The following SYNE1 variants were observed in gnomAD, a reference collection of about 807,000 sequenced individuals.
SYNE1 encodes spectrin repeat containing nuclear envelope protein 1, also known as nesprin-1.
SYNE1 carries 616 observed loss-of-function variants against 1,111.0 expected under a neutral mutation model. The observed-to-expected ratio is 0.55, with a 90% CI of 0.52 to 0.59. The LOEUF (loss-of-function observed/expected upper bound fraction) is 0.59. Among genes scored for constraint, SYNE1 ranks in the 20% least tolerant of loss-of-function variants. The pLI is 0.00. For missense variants in SYNE1, 10,006 were observed against 10,417.0 expected (o/e 0.96, Z 1.72); for synonymous variants, 3,855 against 3,825.8 (o/e 1.01, Z -0.28).
intron 145 of SYNE1, among the ~76,000 whole-genome samples, chr6:152,130,135 A>C (rs567306082): frequency 1.3e-5 from 2 of 152,254 alleles, no homozygotes; most frequent in African/African-American, 4.8e-5. Context: ...AGTGCCCGGA[A>C]AGTGAGTGGC....
rs148017127 is a variant in SYNE1, at chr6:152,241,687, A to G, written c.19893+553T>C. Among the ~76,000 whole-genome samples the G allele has an allele frequency of 4.1e-4, 62 of 152,280 alleles. 1 individual carries two copies. The East Asian group carries it at 0.011, about 27-fold the overall frequency. On this transcript the variant is annotated intron_variant, in intron 107 of 145. Transcript: ENST00000367255. ...TGAAGTCTACAGCAACTAGAGGAGC[A>G]TATGTGTAAGGGTCAGAGGATCTAA...
chr6:152,441,404 T>C (rs1564041733), intron 31 of SYNE1, 134 bp from the exon 32 acceptor site: 3 of 921,458 alleles, frequency 3.3e-6, no homozygotes, highest in Non-Finnish European at 4.9e-6. Flanking sequence ...TGAATAGAGA[T>C]GATTCTAGTA....
At chr6:152,328,242 C>G (rs1453117581) in intron 78 of SYNE1, among the ~76,000 whole-genome samples, 1 of 152,122 alleles carries the variant, frequency 6.6e-6, no homozygotes, top group Non-Finnish European at 1.5e-5. Context: ...CTGTATTATC[C>G]TGACGAAAGC....
intron 91 of SYNE1, among the ~76,000 whole-genome samples, chr6:152,304,877 T>G (rs9479288): frequency 0.056 from 8,504 of 152,274 alleles, 272 homozygotes; most frequent in East Asian, 0.12. Context: ...CAGTCTGCAC[T>G]TCATAATTAG....
chr6:152,613,311 C>T (rs889883705), intron 3 of SYNE1, among the ~76,000 whole-genome samples: 1 of 152,180 alleles, frequency 6.6e-6, no homozygotes, highest in African/African-American at 2.4e-5. Flanking sequence ...CTCAGGATTA[C>T]AAAATCAATG....
chr6:152,521,270 G>A (rs2099137807), intron 5 of SYNE1, among the ~76,000 whole-genome samples: 1 of 152,082 alleles, frequency 6.6e-6, no homozygotes, highest in Non-Finnish European at 1.5e-5. Context: ...CTTCTGATAT[G>A]AATGTGCTAT....
At position 152,293,710 on chromosome 6, in the gene SYNE1, G is replaced by A. The variant is rs748231030; in HGVS notation, c.17890C>T (p.Arg5964Cys). ...KQRTLYEALERQQKYQDSLQS... is the reference protein window; with the variant it reads ...KQRTLYEALECQQKYQDSLQS... ...AGGGAGTCCTGGTACTTCTGCTGGCGTTCCAAAGCTTCATAGAGTGTGCGC... is the reference window on the plus strand; with the variant it reads ...AGGGAGTCCTGGTACTTCTGCTGGCATTCCAAAGCTTCATAGAGTGTGCGC... The change falls in exon 95 of 146, where the codon CGC (arginine) becomes TGC (cysteine). Residue 5964 changes from arginine to cysteine, a missense_variant. Arg to Cys is a radical substitution (Grantham distance 180). Transcript: ENST00000367255. 43 of 1,614,046 alleles carry A rather than the reference G, an allele frequency of 2.7e-5. No individual in the cohort carries two copies. Among genetic ancestry groups the A allele is most frequent in the Non-Finnish European group, 3.1e-5 (37 of 1,180,008 alleles).
chr6:152,379,395 T>G (rs1395659858), intron 56 of SYNE1, among the ~76,000 whole-genome samples: 1 of 152,264 alleles, frequency 6.6e-6, no homozygotes, highest in South Asian at 2.1e-4. Context: ...TATTATATAC[T>G]TTATAGATCA....
intron 32 of SYNE1, among the ~76,000 whole-genome samples, chr6:152,439,128 T>C (rs528018910): frequency 6.6e-6 from 1 of 152,360 alleles, no homozygotes; most frequent in Admixed American, 6.5e-5. Flanking sequence ...ATTATATGTG[T>C]TTGATAAATG....
intron 90 of SYNE1, 102 bp from the exon 91 acceptor site, chr6:152,308,734 G>A: frequency 3.2e-6 from 4 of 1,259,168 alleles, no homozygotes; most frequent in Admixed American, 2.5e-5. Flanking sequence ...TGTACAGGTA[G>A]GGAATAAAGA....
intron 98 of SYNE1, among the ~76,000 whole-genome samples, chr6:152,275,390 G>A (rs1289288564): frequency 2.6e-5 from 4 of 151,986 alleles, no homozygotes; most frequent in African/African-American, 7.3e-5. Flanking sequence ...AGAAAATACA[G>A]TTTATCACGT....
chr6:152,163,470 G>T (rs2062950193), intron 131 of SYNE1, among the ~76,000 whole-genome samples: 1 of 142,996 alleles, frequency 7.0e-6, no homozygotes, highest in African/African-American at 2.7e-5. Flanking sequence ...CTACACTCCA[G>T]CCTGGGCAAC....
intron 128 of SYNE1, among the ~76,000 whole-genome samples, chr6:152,182,768 T>C (rs891284925): frequency 6.6e-6 from 1 of 152,210 alleles, no homozygotes; most frequent in Non-Finnish European, 1.5e-5. Flanking sequence ...GCCTTAGGCA[T>C]AGTGAGTTGC....
At chr6:152,142,984 T>G (rs2152825602) in intron 138 of SYNE1, among the ~76,000 whole-genome samples, 1 of 152,252 alleles carries the variant, frequency 6.6e-6, no homozygotes, top group Middle Eastern at 3.4e-3. Context: ...TAAGTACGCG[T>G]AGGAAAGCAG....
In SYNE1 at chr6:152,269,176, C is replaced by T. The variant is rs1438419488; in HGVS notation, c.18684G>A (p.Gln6228=). The T allele has an allele frequency of 1.2e-6, 2 of 1,614,226 alleles. No homozygotes were observed. Among genetic ancestry groups the T allele is most frequent in the Non-Finnish European group, 1.7e-6 (2 of 1,180,044 alleles). ...TTACTTTTTGTTGCTGGAGACTGCT[C>T]TGCCGCTGCTGGGTCCATGTGGTGC... is the stretch of plus-strand genomic sequence containing the variant. ...QARTTWTQQR[Q]SSLQQQKELE... Residue 6228 remains glutamine, a synonymous_variant, in exon 99 of 146, where the codon CAG becomes CAA. Transcript: ENST00000367255.
intron 30 of SYNE1, among the ~76,000 whole-genome samples, chr6:152,444,143 A>T (rs1005035182): frequency 3.3e-5 from 5 of 152,186 alleles, no homozygotes; most frequent in African/African-American, 9.7e-5. Context: ...TAGCTAAATC[A>T]ATTTTCTCTC....
Position 152,628,343 on chromosome 6 carries a change from A to C in SYNE1, c.-12T>G, listed in dbSNP as rs768445020. On this transcript the variant is annotated 5_prime_UTR_variant, in exon 3 of 146. Transcript: ENST00000367255. ...CTGGAGGTTGCCATGGTCCCTCCGG[A>C]AGCACGAAGCCAACACCAAGAGACT... 1.2e-6 allele frequency: 2 copies of C among 1,614,162 alleles called. No individual in the cohort carries two copies. The highest frequency in any genetic ancestry group is 1.7e-6 in the Non-Finnish European group (2 of 1,180,008).
intron 127 of SYNE1, among the ~76,000 whole-genome samples, chr6:152,194,506 T>A (rs1283575675): frequency 6.6e-6 from 1 of 152,246 alleles, no homozygotes; most frequent in Admixed American, 6.5e-5. Flanking sequence ...TAAATCTACT[T>A]GGTGTTCTAT....
At chr6:152,347,356 C>A in intron 72 of SYNE1, 121 bp from the exon 73 acceptor site, 1 of 1,184,516 alleles carries the variant, frequency 8.4e-7, no homozygotes, top group African/African-American at 1.5e-5. Flanking sequence ...TTGCAATTTA[C>A]CTTAGTTATA....
Sources: allele counts gnomAD v4.1 joint callset (sites outside exome capture counted in the v4.1 genomes callset), GRCh38; gene constraint gnomAD v4.1.1; transcripts MANE v1.5; gene names NCBI Gene and HGNC (gene_info 2026-07-23, HGNC 2026-07-21).